The following CELF4 variants were observed in gnomAD, a reference collection of about 807,000 sequenced individuals.
The protein encoded by CELF4 is CUGBP Elav-like family member 4.
A neutral mutation model predicts 59.9 loss-of-function variants in CELF4; 18 were observed. The observed-to-expected ratio is 0.30, with a 90% CI of 0.21 to 0.45. The LOEUF (loss-of-function observed/expected upper bound fraction) is 0.45, where lower values mean the gene tolerates loss of function less well. CELF4 is among the 20% of genes least tolerant of loss of function. The pLI is 1.00. For missense variants in CELF4, 456 were observed against 689.0 expected (o/e 0.66, Z 3.79); for synonymous variants, 261 against 267.1 (o/e 0.98, Z 0.22).
intron 1 of CELF4, among the ~76,000 whole-genome samples, chr18:37,548,765 G>T (rs2099982235): frequency 6.6e-6 from 1 of 152,238 alleles, no homozygotes; most frequent in Non-Finnish European, 1.5e-5. Flanking sequence ...GAGCAAGGAG[G>T]TGAGGACACT....
chr18:37,422,789 G>A (rs989797613), intron 2 of CELF4, among the ~76,000 whole-genome samples: 6 of 152,190 alleles, frequency 3.9e-5, no homozygotes, highest in Non-Finnish European at 8.8e-5. Context: ...CAGGGAAGCT[G>A]GCCAGAGACT....
At chr18:37,301,537 G>A (rs757918124) in intron 3 of CELF4, among the ~76,000 whole-genome samples, 5 of 152,164 alleles carry the variant, frequency 3.3e-5, no homozygotes, top group Non-Finnish European at 5.9e-5. Flanking sequence ...GGGCTGCCTC[G>A]TGCCAGGCAT....
chr18:37,476,645 C>T (rs17682756), intron 2 of CELF4, among the ~76,000 whole-genome samples: 1 of 152,114 alleles, frequency 6.6e-6, no homozygotes, highest in African/African-American at 2.4e-5. Flanking sequence ...ACAACAAAGA[C>T]GTGTCCTTCT....
chr18:37,442,038 C>T (rs1290235298), intron 2 of CELF4, among the ~76,000 whole-genome samples: 1 of 151,798 alleles, frequency 6.6e-6, no homozygotes, highest in African/African-American at 2.4e-5. Flanking sequence ...GGTGTGTCAC[C>T]CTTTACCTGG....
At chr18:37,403,661 G>A (rs1603636910) in intron 2 of CELF4, among the ~76,000 whole-genome samples, 1 of 152,192 alleles carries the variant, frequency 6.6e-6, no homozygotes, top group Non-Finnish European at 1.5e-5. Context: ...CTGAGAGGGC[G>A]TGGGACAGGC....
At chr18:37,340,493 T>C (rs934289440) in intron 2 of CELF4, among the ~76,000 whole-genome samples, 1 of 152,220 alleles carries the variant, frequency 6.6e-6, no homozygotes, top group African/African-American at 2.4e-5. Context: ...GAAGCTTCAG[T>C]GGGGACATGG....
chr18:37,397,208 A>G (rs572616666), intron 2 of CELF4, among the ~76,000 whole-genome samples: 1 of 152,050 alleles, frequency 6.6e-6, no homozygotes, highest in East Asian at 1.9e-4. Context: ...CTGCCTCTCG[A>G]CTCCCTGAAC....
intron 2 of CELF4, among the ~76,000 whole-genome samples, chr18:37,402,567 A>T (rs1414851943): frequency 6.6e-6 from 1 of 152,160 alleles, no homozygotes; most frequent in South Asian, 2.1e-4. Context: ...GGTGTGGGGT[A>T]GGGTGAGGGT....
chr18:37,507,326 A>G (rs1193176770), intron 1 of CELF4, among the ~76,000 whole-genome samples: 3 of 152,096 alleles, frequency 2.0e-5, no homozygotes, highest in African/African-American at 7.2e-5. Context: ...TCTAGAACTG[A>G]TTTACTAGGT....
At chr18:37,504,009 G>A (rs2099934676) in intron 1 of CELF4, among the ~76,000 whole-genome samples, 1 of 152,216 alleles carries the variant, frequency 6.6e-6, no homozygotes, top group African/African-American at 2.4e-5. Context: ...GCCAGGAGAG[G>A]ATGGGAGTTC....
intron 1 of CELF4, among the ~76,000 whole-genome samples, chr18:37,534,509 T>C (rs535422774): frequency 1.3e-5 from 2 of 152,178 alleles, no homozygotes; most frequent in African/African-American, 4.8e-5. Flanking sequence ...CATTAACATC[T>C]GCTCCAAGCA....
At chr18:37,317,687 G>A (rs928593901) in intron 3 of CELF4, among the ~76,000 whole-genome samples, 1 of 152,170 alleles carries the variant, frequency 6.6e-6, no homozygotes, top group Admixed American at 6.5e-5. Context: ...GGCAAGGCTG[G>A]CACTGCCCTC....
rs2067465126 is a variant in CELF4, at chr18:37,254,115, C to A, written c.1334-177G>T. 1 of 276,804 alleles carries A rather than the reference C, an allele frequency of 3.6e-6. No individual in the cohort carries two copies. The highest frequency in any genetic ancestry group is 6.3e-6 in the Non-Finnish European group (1 of 159,226). The allele number at this position is 276,804 out of a possible 1,614,324, so 17.1% of individuals were successfully genotyped here. On this transcript the variant is annotated intron_variant, in intron 11 of 12. Transcript: ENST00000420428. This position sits in a 1 kb window ranked among gnomAD's most constrained non-coding sequence, Gnocchi z 5.1. ...TCCAGCCCGCGCGCGCGTGCTAGGC[C>A]CCTCCGGGGGCAGGCGCTGGCGGGG...
At chr18:37,374,411 A>G (rs1336859680) in intron 2 of CELF4, among the ~76,000 whole-genome samples, 1 of 152,156 alleles carries the variant, frequency 6.6e-6, no homozygotes, top group African/African-American at 2.4e-5. Context: ...TGGGGCTGGA[A>G]CATCCATATT....
chr18:37,376,448 CCA>C (rs914008036), intron 2 of CELF4, among the ~76,000 whole-genome samples: 12 of 152,220 alleles, frequency 7.9e-5, no homozygotes, highest in African/African-American at 2.9e-4. Context: ...GCATCCATTC[CCA>C]CCTCTTGCTT....
At chr18:37,327,753 T>C (rs1263548220) in intron 2 of CELF4, among the ~76,000 whole-genome samples, 2 of 152,152 alleles carry the variant, frequency 1.3e-5, no homozygotes, top group East Asian at 3.9e-4. Context: ...TCATGGGCCC[T>C]CCTCAGAGCT....
Position 37,466,722 on chromosome 18 carries a change from C to A in CELF4, c.369+18803G>T, listed in dbSNP as rs1024824298. Among the ~76,000 whole-genome samples the A allele has an allele frequency of 5.3e-5, 8 of 152,226 alleles. No individual in the cohort carries two copies. In the East Asian group the frequency reaches 1.6e-3, roughly 30 times the overall value. ...AGAGCACAGTCTAGGGTGGAGCAGTCATGTTAAACTCTGGTAAACTGAGGT... is the reference window on the plus strand; with the variant it reads ...AGAGCACAGTCTAGGGTGGAGCAGTAATGTTAAACTCTGGTAAACTGAGGT... On this transcript the variant is annotated intron_variant, in intron 2 of 12. Coordinates refer to ENST00000420428, the MANE Select transcript of CELF4 (RefSeq NM_020180.4).
At chr18:37,485,056 A>C (rs2099877868) in intron 2 of CELF4, among the ~76,000 whole-genome samples, 2 of 152,114 alleles carry the variant, frequency 1.3e-5, no homozygotes, top group Admixed American at 1.3e-4. Context: ...TCTCCCCCGC[A>C]CAGAAGCTAT....
At chr18:37,396,908 C>T (rs2099252090) in intron 2 of CELF4, among the ~76,000 whole-genome samples, 2 of 152,138 alleles carry the variant, frequency 1.3e-5, no homozygotes, top group African/African-American at 4.8e-5. Context: ...TCACCCTGCT[C>T]ATATCTTTTG....
Sources: gnomAD v4.1 joint callset for allele counts (sites outside exome capture counted in the v4.1 genomes callset) on GRCh38, gnomAD v4.1.1 for gene constraint, Gnocchi (gnomAD v3.1) non-coding constraint, MANE v1.5 for transcripts, NCBI Gene and HGNC (gene_info 2026-07-23, HGNC 2026-07-21) for gene names.